Variants in MACROD2 observed in about 807,000 individuals in gnomAD.
The protein encoded by MACROD2 is mono-ADP ribosylhydrolase 2.
MACROD2 carries 36 observed loss-of-function variants against 70.4 expected under a neutral mutation model. The observed-to-expected ratio is 0.51, with a 90% CI of 0.39 to 0.68. The LOEUF is 0.68. Among genes scored for constraint, MACROD2 ranks in the 30% least tolerant of loss-of-function variants. The pLI, the probability that MACROD2 is intolerant of heterozygous loss-of-function variation, is 0.00. For synonymous variants in MACROD2, 172 were observed against 178.8 expected (o/e 0.96, Z 0.30); for missense variants, 496 against 538.4 (o/e 0.92, Z 0.78).
At chr20:14,252,699 CAT>C (rs2122278445) in intron 3 of MACROD2, among the ~76,000 whole-genome samples, 1 of 152,036 alleles carries the variant, frequency 6.6e-6, no homozygotes, top group Admixed American at 6.6e-5. Flanking sequence ...AATATTATCT[CAT>C]GTTCTTGTTA....
At chr20:15,911,275 A>G (rs2065232950) in intron 10 of MACROD2, among the ~76,000 whole-genome samples, 1 of 152,202 alleles carries the variant, frequency 6.6e-6, no homozygotes, top group Non-Finnish European at 1.5e-5. Flanking sequence ...AGAGGAAAAC[A>G]GGGGAAGTAT....
intron 5 of MACROD2, among the ~76,000 whole-genome samples, chr20:14,971,240 TG>T (rs1269922539): frequency 1.3e-5 from 2 of 152,070 alleles, no homozygotes; most frequent in Non-Finnish European, 2.9e-5. Flanking sequence ...GAACCATGCA[TG>T]TTTTTTTTCT....
At chr20:15,362,351 C>T (rs1269580299) in intron 6 of MACROD2, among the ~76,000 whole-genome samples, 3 of 151,938 alleles carry the variant, frequency 2.0e-5, no homozygotes, top group Non-Finnish European at 2.9e-5. Context: ...GTGGTGAGAG[C>T]GGACATCCTT....
chr20:14,584,588 T>C (rs1020059529), intron 4 of MACROD2, among the ~76,000 whole-genome samples: 12 of 152,100 alleles, frequency 7.9e-5, no homozygotes, highest in African/African-American at 2.9e-4. Context: ...TCCAATATTA[T>C]GACTAAATTA....
intron 15 of MACROD2, among the ~76,000 whole-genome samples, chr20:15,995,194 A>G (rs11906689): frequency 0.02 from 3,059 of 152,278 alleles, 106 homozygotes; most frequent in African/African-American, 0.07. Context: ...TTATTCATAC[A>G]TTCCACAAAT....
At chr20:15,615,081 C>T (rs1301378293) in intron 8 of MACROD2, among the ~76,000 whole-genome samples, 5 of 152,264 alleles carry the variant, frequency 3.3e-5, no homozygotes, top group East Asian at 1.9e-4. Context: ...TCCTCTATCC[C>T]GAAAGGGTAG....
chr20:14,977,387 G>A (rs1398005974), intron 5 of MACROD2, among the ~76,000 whole-genome samples: 1 of 145,478 alleles, frequency 6.9e-6, no homozygotes, highest in Non-Finnish European at 1.5e-5. Context: ...GAGATGTCAT[G>A]ACCTTTTTAG....
intron 3 of MACROD2, among the ~76,000 whole-genome samples, chr20:14,344,641 T>C (rs2083046386): frequency 6.6e-6 from 1 of 152,234 alleles, no homozygotes; most frequent in South Asian, 2.1e-4. Flanking sequence ...AATTAAGATC[T>C]AGACTGAACA....
chr20:15,419,922 G>A (rs1002634092), intron 6 of MACROD2, among the ~76,000 whole-genome samples: 18 of 152,164 alleles, frequency 1.2e-4, no homozygotes, highest in South Asian at 2.1e-4. Flanking sequence ...CTGATTTGCC[G>A]TTAATATGAG....
At chr20:15,864,197 A>G (rs1390204060) in intron 9 of MACROD2, among the ~76,000 whole-genome samples, 1 of 152,046 alleles carries the variant, frequency 6.6e-6, no homozygotes, top group Admixed American at 6.6e-5. Flanking sequence ...GAATTAAATA[A>G]ATTTTTCTTG....
intron 2 of MACROD2, chr20:14,053,069 TCTC>T (rs1051552387): frequency 4.6e-5 from 7 of 150,754 alleles, no homozygotes; most frequent in African/African-American, 1.2e-4. Context: ...TGTATTATTT[TCTC>T]CTCTTCTTTT....
Position 14,002,417 on chromosome 20 carries a change from G to A in MACROD2, c.163+13G>A. The A allele has an allele frequency of 6.5e-7, 1 of 1,534,488 alleles. No homozygotes were observed. Among genetic ancestry groups the A allele is most frequent in the Non-Finnish European group, 8.9e-7 (1 of 1,125,388 alleles). Reference sequence around the variant, plus strand: ...GGCCAAAATGATGGTAAGTTTCTCGGAACATTTTTTAGGTAGATATTTTTC... The same window carrying A: ...GGCCAAAATGATGGTAAGTTTCTCGAAACATTTTTTAGGTAGATATTTTTC... On this transcript the variant is annotated intron_variant, in intron 2 of 17. Coordinates refer to ENST00000684519, the MANE Select transcript of MACROD2 (RefSeq NM_001351661.2).
At chr20:16,011,537 A>G (rs2066862539) in intron 15 of MACROD2, among the ~76,000 whole-genome samples, 1 of 152,192 alleles carries the variant, frequency 6.6e-6, no homozygotes, top group Non-Finnish European at 1.5e-5. Flanking sequence ...GGGGAATGCA[A>G]GGAGTTTATT....
intron 15 of MACROD2, among the ~76,000 whole-genome samples, chr20:16,035,508 T>C (rs2067222652): frequency 6.6e-6 from 1 of 151,892 alleles, no homozygotes; most frequent in Non-Finnish European, 1.5e-5. Flanking sequence ...TTTTAGGTGA[T>C]GTAAAGATTA....
intron 6 of MACROD2, among the ~76,000 whole-genome samples, chr20:15,283,206 G>A (rs947210338): frequency 2.0e-5 from 3 of 152,176 alleles, no homozygotes; most frequent in African/African-American, 7.2e-5. Context: ...TGGGGACACA[G>A]AGCCAAACCA....
chr20:15,327,042 A>G (rs1301984670), intron 6 of MACROD2, among the ~76,000 whole-genome samples: 2 of 152,214 alleles, frequency 1.3e-5, no homozygotes, highest in Non-Finnish European at 2.9e-5. Flanking sequence ...TTTATTTAAT[A>G]TACATTTTAC....
intron 6 of MACROD2, among the ~76,000 whole-genome samples, chr20:15,315,644 A>G (rs1600232552): frequency 6.6e-6 from 1 of 152,206 alleles, no homozygotes; most frequent in African/African-American, 2.4e-5. Flanking sequence ...TTACAGATGG[A>G]CAAAATCTGA....
intron 8 of MACROD2, among the ~76,000 whole-genome samples, chr20:15,651,832 A>T (rs2049649694): frequency 6.6e-6 from 1 of 152,088 alleles, no homozygotes; most frequent in Non-Finnish European, 1.5e-5. Context: ...ACTAATGAAA[A>T]GATAATTTCA....
chr20:14,222,275 T>C (rs1210189347), intron 3 of MACROD2, among the ~76,000 whole-genome samples: 1 of 152,208 alleles, frequency 6.6e-6, no homozygotes, highest in Non-Finnish European at 1.5e-5. Flanking sequence ...GAAAAGGTAG[T>C]ATCTATACAC....
Sources: gnomAD v4.1 joint callset for allele counts (sites outside exome capture counted in the v4.1 genomes callset) on GRCh38, gnomAD v4.1.1 for gene constraint, MANE v1.5 for transcripts, NCBI Gene and HGNC (gene_info 2026-07-23, HGNC 2026-07-21) for gene names.